The following GARNL3 variants were observed in gnomAD, a reference collection of about 807,000 sequenced individuals.
GARNL3 encodes the protein GTPase activating Rap/RanGAP domain like 3.
GARNL3 carries 63 observed loss-of-function variants against 125.0 expected under a neutral mutation model. That is an observed-to-expected ratio of 0.50 (90% CI 0.41 to 0.62). The LOEUF is 0.62. GARNL3 is among the 20% of genes least tolerant of loss of function. The pLI is 0.00. For missense variants in GARNL3, 994 were observed against 1,244.0 expected (o/e 0.80, Z 3.02); for synonymous variants, 439 against 457.5 (o/e 0.96, Z 0.52).
upstream of GARNL3, among the ~76,000 whole-genome samples, chr9:127,259,685 A>T (rs2063550481): frequency 6.6e-6 from 1 of 152,128 alleles, no homozygotes; most frequent in Admixed American, 6.5e-5. Context: ...AAAATTTAGT[A>T]ATCATTTATG....
chr9:127,338,606 C>T (rs1364432946), intron 12 of GARNL3, among the ~76,000 whole-genome samples: 1 of 152,200 alleles, frequency 6.6e-6, no homozygotes, highest in Admixed American at 6.5e-5. Context: ...CTTGAAGCCT[C>T]AGGCCTTCTG....
intron 25 of GARNL3, 85 bp from the exon 26 acceptor site, chr9:127,388,819 A>T: frequency 1.2e-6 from 1 of 837,628 alleles, no homozygotes; most frequent in Non-Finnish European, 2.0e-6. Flanking sequence ...CCTTCATGCT[A>T]TGTTAAGGAA....
At chr9:127,292,934 T>C (rs144715167) in intron 2 of GARNL3, among the ~76,000 whole-genome samples, 1 of 152,338 alleles carries the variant, frequency 6.6e-6, no homozygotes, top group Non-Finnish European at 1.5e-5. Flanking sequence ...TTGGGGGAGT[T>C]ACTGATTTCA....
chr9:127,344,849 C>T (rs544468681), intron 15 of GARNL3, among the ~76,000 whole-genome samples: 11 of 152,246 alleles, frequency 7.2e-5, no homozygotes, highest in African/African-American at 2.2e-4. Context: ...CCCTTTGCCC[C>T]GCTCGCATGT....
chr9:127,245,967 G>A (rs1021629632), intron 2 of GARNL3, among the ~76,000 whole-genome samples: 4 of 152,128 alleles, frequency 2.6e-5, no homozygotes, highest in Non-Finnish European at 4.4e-5. Context: ...GCTGTCCAGT[G>A]AAGTATATAT....
chr9:127,357,784 A>T (rs1051547983), intron 21 of GARNL3, among the ~76,000 whole-genome samples: 32 of 31,034 alleles, frequency 1.0e-3, no homozygotes, highest in African/African-American at 3.4e-3. Context: ...TTTAAAATTA[A>T]AAAAAAAAAA....
chr9:127,354,749 C>T (rs1830597212), intron 19 of GARNL3, among the ~76,000 whole-genome samples: 1 of 152,188 alleles, frequency 6.6e-6, no homozygotes, highest in Admixed American at 6.5e-5. Flanking sequence ...AGTCCACAAA[C>T]TCTAGAATAT....
intron 1 of GARNL3, among the ~76,000 whole-genome samples, chr9:127,286,205 G>A (rs899770891): frequency 6.6e-6 from 1 of 152,292 alleles, no homozygotes; most frequent in African/African-American, 2.4e-5. Flanking sequence ...AATAACAAAG[G>A]GCTGGATGCA....
intron 2 of GARNL3, among the ~76,000 whole-genome samples, chr9:127,291,631 GAA>G (rs2064418673): frequency 6.6e-6 from 1 of 151,698 alleles, no homozygotes; most frequent in African/African-American, 2.4e-5. Flanking sequence ...ATGTCACCAG[GAA>G]AAGAGGCTGG....
chr9:127,377,647 C>T (rs865926794), intron 22 of GARNL3, among the ~76,000 whole-genome samples: 10 of 151,716 alleles, frequency 6.6e-5, no homozygotes, highest in South Asian at 2.1e-4. Flanking sequence ...ATTAGCCGGG[C>T]GTGGTGGCAT....
chr9:127,360,939 T>G (rs1281743198), intron 21 of GARNL3, among the ~76,000 whole-genome samples: 2 of 152,248 alleles, frequency 1.3e-5, no homozygotes, highest in Non-Finnish European at 2.9e-5. Context: ...TGTGACCCAC[T>G]GCCGCTGCTT....
chr9:127,338,126 C>T lies in GARNL3; in HGVS notation c.993C>T (p.Ala331=), dbSNP rs1324446885. Reference sequence around the variant, plus strand: ...TAACCATCACCACAGATATTTTTGCCTTAGTGAGATACAATCAACAAAATG... The same window carrying T: ...TAACCATCACCACAGATATTTTTGCTTTAGTGAGATACAATCAACAAAATG... ...MIRSHFTHIF[A]LVRYNQQNDN... is the part of the protein sequence containing the mutation. The change falls in exon 12 of 28, where the codon GCC becomes GCT. Residue 331 remains alanine, a synonymous_variant. Transcript: ENST00000373387. The T allele has an allele frequency of 1.9e-6, 3 of 1,611,176 alleles. No homozygotes were observed. Among genetic ancestry groups the T allele is most frequent in the Non-Finnish European group, 2.5e-6 (3 of 1,177,436 alleles).
chr9:127,320,506 C>G (rs1326480231), intron 5 of GARNL3, among the ~76,000 whole-genome samples: 6 of 152,236 alleles, frequency 3.9e-5, no homozygotes, highest in Non-Finnish European at 8.8e-5. Flanking sequence ...TGATTTCTCT[C>G]TCCCTCTCTT....
chr9:127,272,932 T>C (rs2063859767), intron 1 of GARNL3, among the ~76,000 whole-genome samples: 1 of 152,236 alleles, frequency 6.6e-6, no homozygotes, highest in Non-Finnish European at 1.5e-5. Flanking sequence ...TTTGAGACTT[T>C]AATAATTACT....
At chr9:127,316,810 A>G (rs57190879) in intron 4 of GARNL3, among the ~76,000 whole-genome samples, 116 of 152,290 alleles carry the variant, frequency 7.6e-4, no homozygotes, top group African/African-American at 2.7e-3. Context: ...TGTTTATGCA[A>G]CGAGACCATG....
intron 22 of GARNL3, among the ~76,000 whole-genome samples, chr9:127,377,664 G>C (rs1831993965): frequency 6.6e-6 from 1 of 152,114 alleles, no homozygotes; most frequent in Admixed American, 6.6e-5. Flanking sequence ...GCATGTGCCT[G>C]TAATCCCAGC....
At position 127,364,843 on chromosome 9, in the gene GARNL3, A is replaced by G. The variant is rs536959289; in HGVS notation, c.2095-457A>G. The G allele has an allele frequency of 2.9e-4, 48 of 164,994 alleles. No homozygotes were observed. The highest frequency in any genetic ancestry group is 1.1e-3 in the African/African-American group (45 of 41,668). The allele number at this position is 164,994 out of a possible 1,614,324, so 10.2% of individuals were successfully genotyped here. ...TCAGATGTTGGCTGTGGCGTGTACC[A>G]GTCAAGGGACTTAAGTGACTTCACC... On this transcript the variant is annotated intron_variant, in intron 21 of 27. Transcript: ENST00000373387. This position sits in a 1 kb window ranked among gnomAD's most constrained non-coding sequence, Gnocchi z 4.2.
At chr9:127,298,805 C>T (rs368278332) in intron 2 of GARNL3, among the ~76,000 whole-genome samples, 3 of 152,114 alleles carry the variant, frequency 2.0e-5, no homozygotes, top group East Asian at 3.8e-4. Context: ...CCTCCAGAGT[C>T]GACTTGCTAA....
chr9:127,292,867 C>T (rs1465439044), intron 2 of GARNL3, among the ~76,000 whole-genome samples: 1 of 152,162 alleles, frequency 6.6e-6, no homozygotes, highest in Non-Finnish European at 1.5e-5. Context: ...AAATCATGGC[C>T]CTACAACTCA....
Sources: gnomAD v4.1 joint callset for allele counts (sites outside exome capture counted in the v4.1 genomes callset) on GRCh38, gnomAD v4.1.1 for gene constraint, Gnocchi (gnomAD v3.1) non-coding constraint, MANE v1.5 for transcripts, NCBI Gene and HGNC (gene_info 2026-07-23, HGNC 2026-07-21) for gene names.